Variants in STARD10 observed in about 807,000 individuals in gnomAD.
STARD10 encodes the protein StAR related lipid transfer domain containing 10.
STARD10 carries 24 observed loss-of-function variants against 36.0 expected under a neutral mutation model. The observed-to-expected ratio is 0.67, with a 90% CI of 0.48 to 0.94. The LOEUF is 0.94. Among genes scored for constraint, STARD10 ranks in the 40% least tolerant of loss-of-function variants. STARD10 has a pLI of 0.00. For missense variants in STARD10, 335 were observed against 396.6 expected, an observed-to-expected ratio of 0.84 and a Z score of 1.32; for synonymous variants, 156 against 161.9, an observed-to-expected ratio of 0.96 and a Z score of 0.28.
chr11:72,769,991 C>T (rs1170732551), intron 2 of STARD10, among the ~76,000 whole-genome samples: 1 of 152,166 alleles, frequency 6.6e-6, no homozygotes, highest in Non-Finnish European at 1.5e-5. Flanking sequence ...ATATGAGAAA[C>T]TTCTACAGAG....
chr11:72,780,840 C>T, intron 2 of STARD10, 135 bp downstream of exon 2: 2 of 934,174 alleles, frequency 2.1e-6, no homozygotes, highest in Non-Finnish European at 3.3e-6. Context: ...TGTGTCTCCT[C>T]CCGGTCCCTG....
At chr11:72,761,482 C>A (rs1024456210) in intron 2 of STARD10, among the ~76,000 whole-genome samples, 1 of 152,080 alleles carries the variant, frequency 6.6e-6, no homozygotes, top group South Asian at 2.1e-4. Context: ...ATAGGTTGGG[C>A]GCGGTGGCTC....
intron 1 of STARD10, among the ~76,000 whole-genome samples, chr11:72,788,706 G>C (rs1859104796): frequency 6.6e-6 from 1 of 152,050 alleles, no homozygotes; most frequent in Non-Finnish European, 1.5e-5. Context: ...GGGACTACAG[G>C]CATGCGCCAC....
intron 2 of STARD10, among the ~76,000 whole-genome samples, chr11:72,765,781 AC>A (rs1858779840): frequency 6.7e-6 from 1 of 149,426 alleles, no homozygotes; most frequent in Non-Finnish European, 1.5e-5. Context: ...GACCAGCCTG[AC>A]CAACATGGTG....
At chr11:72,780,647 T>C in intron 2 of STARD10, 1 of 416,204 alleles carries the variant, frequency 2.4e-6, no homozygotes, top group Non-Finnish European at 4.6e-6. Flanking sequence ...GGTGCAGGCT[T>C]CCCCAGCAGA....
rs964981922 is a variant in STARD10 at position 72,755,104 on chromosome 11, G to A, written c.669C>T (p.Pro223=). Reference sequence around the variant, plus strand: ...GAGGCAGGTGCTTCTGTTTCCACTCGGGGTACTTGAGGCACGCCTTGTACA... The same window carrying A: ...GAGGCAGGTGCTTCTGTTTCCACTCAGGGTACTTGAGGCACGCCTTGTACA... The part of the protein sequence containing the change: ...KKMYKACLKY[P]EWKQKHLPHF... Residue 223 remains proline, a synonymous_variant, in exon 7 of 7, where the codon CCC becomes CCT. Transcript: ENST00000334805. 7 of 1,613,338 alleles carry A rather than the reference G, an allele frequency of 4.3e-6. No homozygotes were observed. The highest frequency in any genetic ancestry group is 4.5e-5 in the East Asian group (2 of 44,824).
chr11:72,761,917 C>CTTTTCT lies in STARD10; in HGVS notation c.208-2537_208-2536insAGAAAA, dbSNP rs1555023007. Among the ~76,000 whole-genome samples the CTTTTCT allele has an allele frequency of 2.4e-4, 9 of 37,480 alleles. 1 individual carries two copies. The highest frequency in any genetic ancestry group is 9.8e-4 in the African/African-American group (8 of 8,188). 24.6% of individuals were successfully genotyped at this position (37,480 alleles called of 152,430 possible). ...TCTGTATTTCTTTTTCTTTTCTTTT[C>CTTTTCT]TTTTTTTTTTTTTTTTTTTTTTTTT... is the stretch of plus-strand genomic sequence containing the variant. On this transcript the variant is annotated intron_variant, in intron 2 of 6. Transcript: ENST00000334805.
In STARD10 at chr11:72,755,160, C is replaced by T. The variant is rs569741817; in HGVS notation, c.631-18G>A. On this transcript the variant is annotated intron_variant, in intron 6 of 6. Transcript: ENST00000334805. ...TTCATGGCCTGTGGGCCCGCCGCCC[C>T]GCCGGGTCAGGGGGTGGCTAGGGGG... The T allele has an allele frequency of 1.2e-5, 19 of 1,603,784 alleles. No homozygotes were observed. In the South Asian group the frequency reaches 1.3e-4, roughly 11 times the overall value.
At chr11:72,783,048 C>G (rs906036234) in intron 1 of STARD10, among the ~76,000 whole-genome samples, 3 of 152,142 alleles carry the variant, frequency 2.0e-5, no homozygotes, top group African/African-American at 7.2e-5. Context: ...TGCCTCCTAG[C>G]CTCACCAGCC....
intron 1 of STARD10, among the ~76,000 whole-genome samples, chr11:72,785,218 C>T (rs1306192785): frequency 6.6e-6 from 1 of 152,106 alleles, no homozygotes; most frequent in East Asian, 1.9e-4. Context: ...GCCCCACCCC[C>T]TCCCTGTACA....
intron 2 of STARD10, among the ~76,000 whole-genome samples, chr11:72,772,570 T>C (rs1429765312): frequency 6.6e-6 from 1 of 152,160 alleles, no homozygotes; most frequent in Non-Finnish European, 1.5e-5. Context: ...CACATCCTCT[T>C]CTCTGTCCTC....
chr11:72,793,568 G>C lies in STARD10; in HGVS notation c.-807C>G, dbSNP rs766904442. 1.7e-4 allele frequency: 26 copies of C among 152,286 alleles called. No individual in the cohort carries two copies. The highest frequency in any genetic ancestry group is 3.5e-4 in the Non-Finnish European group (24 of 68,060). The allele number at this position is 152,286 out of a possible 1,614,324, so 9.4% of individuals were successfully genotyped here. ...GACTGTTGTGAGGACTGAATTAGGAGAGGCGATGAAGAGGGTCATTCCTTG... is the reference window on the plus strand; with the variant it reads ...GACTGTTGTGAGGACTGAATTAGGACAGGCGATGAAGAGGGTCATTCCTTG... On this transcript the variant is annotated 5_prime_UTR_variant, in exon 1 of 7. Coordinates refer to ENST00000334805, the MANE Select transcript of STARD10 (RefSeq NM_006645.3).
At chr11:72,783,818 G>A (rs1198409586) in intron 1 of STARD10, among the ~76,000 whole-genome samples, 3 of 152,172 alleles carry the variant, frequency 2.0e-5, no homozygotes, top group African/African-American at 7.2e-5. Context: ...AGCAGTGAGG[G>A]CAGACTGATA....
chr11:72,784,596 G>C (rs758359846), intron 1 of STARD10, among the ~76,000 whole-genome samples: 1 of 152,206 alleles, frequency 6.6e-6, no homozygotes, highest in Non-Finnish European at 1.5e-5. Context: ...GGCAAGTTTT[G>C]ATTCTCATGG....
intron 1 of STARD10, among the ~76,000 whole-genome samples, chr11:72,783,798 G>T (rs576321987): frequency 2.0e-5 from 3 of 152,258 alleles, no homozygotes; most frequent in Non-Finnish European, 4.4e-5. Context: ...AAAAGACAAG[G>T]CCAGGAGGTA....
At chr11:72,755,886 G>T in intron 5 of STARD10, 133 bp from the exon 6 acceptor site, 1 of 768,940 alleles carries the variant, frequency 1.3e-6, no homozygotes, top group Non-Finnish European at 2.1e-6. Flanking sequence ...TGTGAGGCAA[G>T]TCCTACAAGC....
chr11:72,781,124 C>T lies in STARD10; in HGVS notation c.58G>A (p.Glu20Lys), dbSNP rs771499208. Residue 20 changes from glutamate to lysine, a missense_variant, in exon 2 of 7, where the codon GAG becomes AAG. Glu to Lys is a moderately conservative substitution (Grantham distance 56). Coordinates refer to ENST00000334805, the MANE Select transcript of STARD10 (RefSeq NM_006645.3). This position sits in a 1 kb window ranked among gnomAD's most constrained non-coding sequence, Gnocchi z 4.7. ...TGGTCATCGGGCACCTGGACACTCTCACGGCCCAGGACCGGCCGAGGCCCT... is the reference window on the plus strand; with the variant it reads ...TGGTCATCGGGCACCTGGACACTCTTACGGCCCAGGACCGGCCGAGGCCCT... ...PQGPRPVLGR[E>K]SVQVPDDQDF... The T allele has an allele frequency of 7.3e-5, 118 of 1,613,672 alleles. No homozygotes were observed. Among genetic ancestry groups the T allele is most frequent in the Non-Finnish European group, 9.8e-5 (116 of 1,180,042 alleles).
chr11:72,789,697 C>G (rs142424866), intron 1 of STARD10, among the ~76,000 whole-genome samples: 2 of 152,296 alleles, frequency 1.3e-5, no homozygotes, highest in East Asian at 3.9e-4. Context: ...TCTCTAGGGG[C>G]TCTGTCTGAG....
chr11:72,790,934 CT>C (rs1663397372), intron 1 of STARD10, among the ~76,000 whole-genome samples: 1 of 152,222 alleles, frequency 6.6e-6, no homozygotes, highest in Non-Finnish European at 1.5e-5. Flanking sequence ...TTCTCTGCCC[CT>C]GCATTGACTT....
Sources: gnomAD v4.1 joint callset for allele counts (sites outside exome capture counted in the v4.1 genomes callset) on GRCh38, gnomAD v4.1.1 for gene constraint, Gnocchi (gnomAD v3.1) non-coding constraint, MANE v1.5 for transcripts, NCBI Gene and HGNC (gene_info 2026-07-23, HGNC 2026-07-21) for gene names.